The following APOOL variants were observed in gnomAD, a reference collection of about 807,000 sequenced individuals.
The protein encoded by APOOL is apolipoprotein O like.
In APOOL, 12 loss-of-function variants were observed where a neutral mutation model predicts 23.1. That is an observed-to-expected ratio of 0.52 (90% CI 0.33 to 0.84). APOOL has a LOEUF of 0.84. Among genes scored for constraint, APOOL ranks in the 40% least tolerant of loss-of-function variants. The pLI is 0.02. For missense variants in APOOL, 212 were observed against 199.6 expected (o/e 1.06, Z -0.37); for synonymous variants, 77 against 69.9 (o/e 1.10, Z -0.51).
At chrX:85,052,587 T>A (rs1423271972) in intron 3 of APOOL, among the ~76,000 whole-genome samples, 2 of 112,020 alleles carry the variant, frequency 1.8e-5, no homozygotes, top group Non-Finnish European at 3.8e-5. Flanking sequence ...TAATTTGTGC[T>A]TAGGTGAAAT....
chrX:85,044,182 A>G lies in APOOL; in HGVS notation c.16-2264A>G, dbSNP rs181092584. ...GCTAGTAGTAACCATACTGGGCAGCACAACTTGAAGAGCTTCAATAATTGA... is the reference window on the plus strand; with the variant it reads ...GCTAGTAGTAACCATACTGGGCAGCGCAACTTGAAGAGCTTCAATAATTGA... On this transcript the variant is annotated intron_variant, in intron 1 of 8. Transcript: ENST00000373173. Among the ~76,000 whole-genome samples the G allele has an allele frequency of 1.4e-3, 155 of 111,292 alleles. 2 individuals carry two copies. The East Asian group carries it at 0.042, about 30-fold the overall frequency.
intron 2 of APOOL, among the ~76,000 whole-genome samples, chrX:85,050,534 C>G (rs1370693009): frequency 9.3e-6 from 1 of 107,621 alleles, no homozygotes; most frequent in African/African-American, 3.4e-5. Flanking sequence ...GATTTGTAAA[C>G]TTGATTCTTC....
chrX:85,065,359 G>A (rs1162393898), intron 5 of APOOL, among the ~76,000 whole-genome samples: 1 of 111,195 alleles, frequency 9.0e-6, no homozygotes, highest in Admixed American at 9.6e-5. Context: ...CTTTAATTAG[G>A]GCATTTAGTC....
chrX:85,015,726 G>A (rs892993662), intron 1 of APOOL, among the ~76,000 whole-genome samples: 6 of 109,472 alleles, frequency 5.5e-5, no homozygotes, highest in Non-Finnish European at 9.5e-5. Context: ...GTGCCACCAC[G>A]CACGGCTAAT....
chrX:85,063,120 C>A lies in APOOL; in HGVS notation c.395-4007C>A, dbSNP rs187415045. On this transcript the variant is annotated intron_variant, in intron 5 of 8. Transcript: ENST00000373173. ...TCCTAGGTATTTTATTCTTTTGTGG[C>A]AATTGTGAATGGGAGTTCATTTATG... Among the ~76,000 whole-genome samples the A allele has an allele frequency of 6.3e-3, 696 of 111,176 alleles. 5 individuals are homozygous for A. Among genetic ancestry groups the A allele is most frequent in the African/African-American group, 0.022 (670 of 30,616 alleles).
At position 85,092,638 on chromosome X, in the gene APOOL, G is replaced by T. The variant is rs1924560474; in HGVS notation, c.*4960G>T. On this transcript the variant is annotated 3_prime_UTR_variant, in exon 9 of 9. Coordinates refer to ENST00000373173, the MANE Select transcript of APOOL (RefSeq NM_198450.6). ...CGTTAACACATATATTTTATTGAAGGTCTACTCTATGCAAGACACTATGTG... is the reference window on the plus strand; with the variant it reads ...CGTTAACACATATATTTTATTGAAGTTCTACTCTATGCAAGACACTATGTG... 1.1e-6 allele frequency: 1 copy of T among 939,654 alleles called. No homozygotes were observed. Among genetic ancestry groups the T allele is most frequent in the Admixed American group, 2.7e-5 (1 of 37,005 alleles). 77.4% of individuals were successfully genotyped at this position (939,654 alleles called of 1,213,427 possible).
At chrX:85,047,230 G>A (rs1181116168) in intron 2 of APOOL, among the ~76,000 whole-genome samples, 1 of 111,818 alleles carries the variant, frequency 8.9e-6, no homozygotes, top group African/African-American at 3.2e-5. Context: ...ACATTTTAAA[G>A]CGTTTAGTAG....
intron 8 of APOOL, among the ~76,000 whole-genome samples, chrX:85,077,019 G>GTATATATATATATA (rs1231987464): frequency 2.6e-5 from 2 of 75,482 alleles, no homozygotes; most frequent in African/African-American, 1.2e-4. Context: ...ATATATATAC[G>GTATATATATATATA]TATATATATG....
chrX:85,054,349 T>G lies in APOOL; in HGVS notation c.246T>G (p.Val82=). The G allele has an allele frequency of 8.4e-7, 1 of 1,189,532 alleles. No individual in the cohort carries two copies. The highest frequency in any genetic ancestry group is 1.1e-6 in the Non-Finnish European group (1 of 883,933). ...CCCCCTTTTTTTTTGCTTAGGGTGTTTATGTCTTTGTGAAAAATGGGATAA... is the reference window on the plus strand; with the variant it reads ...CCCCCTTTTTTTTTGCTTAGGGTGTGTATGTCTTTGTGAAAAATGGGATAA... ...TGCYIGWCKG[V]YVFVKNGIMD... is the part of the protein sequence containing the mutation. Residue 82 remains valine (V), a synonymous_variant, in exon 4 of 9, where the codon GTT becomes GTG. Transcript: ENST00000373173.
chrX:85,087,615 C>T lies in APOOL; in HGVS notation c.744C>T (p.Pro248=). The change falls in exon 9 of 9, where the codon CCC becomes CCT. Residue 248 remains proline (P), a synonymous_variant. Transcript: ENST00000373173. ...TSGATQFMPD[P]KLMDHGQSHP... Reference sequence around the variant, plus strand: ...GTGCAACCCAGTTTATGCCTGACCCCAAGCTCATGGATCACGGGCAGTCCC... The same window carrying T: ...GTGCAACCCAGTTTATGCCTGACCCTAAGCTCATGGATCACGGGCAGTCCC... 8.3e-7 allele frequency: 1 copy of T among 1,201,789 alleles called. No individual in the cohort carries two copies. Among genetic ancestry groups the T allele is most frequent in the Non-Finnish European group, 1.1e-6 (1 of 890,642 alleles).
chrX:85,065,050 A>G (rs1260348195), intron 5 of APOOL, among the ~76,000 whole-genome samples: 1 of 111,321 alleles, frequency 9.0e-6, no homozygotes, highest in Non-Finnish European at 1.9e-5. Context: ...TGCTTTATGA[A>G]TCTGGGTGTT....
chrX:85,055,007 A>G (rs1324180614), intron 4 of APOOL, among the ~76,000 whole-genome samples: 1 of 111,985 alleles, frequency 8.9e-6, no homozygotes, highest in African/African-American at 3.2e-5. Flanking sequence ...GGCAACAGAT[A>G]TAGCTTTGTA....
chrX:85,038,153 T>C (rs1241538986), intron 1 of APOOL, among the ~76,000 whole-genome samples: 1 of 111,623 alleles, frequency 9.0e-6, no homozygotes, highest in African/African-American at 3.3e-5. Context: ...TGTTTTTAGT[T>C]CTGTTTATGT....
intron 3 of APOOL, 66 bp downstream of exon 3, chrX:85,051,574 A>T: frequency 8.5e-7 from 1 of 1,172,873 alleles, no homozygotes; most frequent in Non-Finnish European, 1.2e-6. Flanking sequence ...TTACCTACTG[A>T]TGTGTAGAAA....
intron 1 of APOOL, among the ~76,000 whole-genome samples, chrX:85,021,914 C>T (rs1243847462): frequency 3.6e-5 from 4 of 111,763 alleles, no homozygotes; most frequent in Admixed American, 9.5e-5. Flanking sequence ...AGAGACATTA[C>T]GAATGATACC....
In APOOL at chrX:85,088,084, GTATAAATACATATACATATTTATACATA is replaced by G. The variant is rs1569462305; in HGVS notation, c.*410_*437del. On this transcript the variant is annotated 3_prime_UTR_variant, in exon 9 of 9. Coordinates refer to ENST00000373173, the MANE Select transcript of APOOL (RefSeq NM_198450.6). ...TATGTATAAATACATATACATATAT[GTATAAATACATATACATATTTATACATA>G]TATGTATAAATACATACATATTTAT... 1 of 24,841 alleles carries G rather than the reference GTATAAATACATATACATATTTATACATA, an allele frequency of 4.0e-5. No homozygotes were observed. The highest frequency in any genetic ancestry group is 1.7e-4 in the African/African-American group (1 of 6,022). The allele number at this position is 24,841 out of a possible 1,213,427, so 2.0% of individuals were successfully genotyped here.
intron 1 of APOOL, among the ~76,000 whole-genome samples, chrX:85,032,228 G>C (rs1005850420): frequency 1.8e-5 from 2 of 112,475 alleles, no homozygotes; most frequent in Non-Finnish European, 1.9e-5. Flanking sequence ...AAGATGTTTA[G>C]TTGTGGCTGG....
intron 3 of APOOL, 126 bp from the exon 4 acceptor site, chrX:85,054,218 T>G: frequency 3.5e-6 from 2 of 565,257 alleles, no homozygotes; most frequent in Non-Finnish European, 5.7e-6. Flanking sequence ...ATAGGAAAGC[T>G]GGATTTAGAT....
chrX:85,084,456 A>G (rs760473422), intron 8 of APOOL, among the ~76,000 whole-genome samples: 1 of 110,209 alleles, frequency 9.1e-6, no homozygotes, highest in South Asian at 3.8e-4. Flanking sequence ...GCTTTTCAAA[A>G]AGATGAATCA....
Sources: allele counts gnomAD v4.1 joint callset (sites outside exome capture counted in the v4.1 genomes callset), GRCh38; gene constraint gnomAD v4.1.1; transcripts MANE v1.5; gene names NCBI Gene and HGNC (gene_info 2026-07-23, HGNC 2026-07-21).